CSMD1: variants seen among roughly 807,000 people sequenced by gnomAD.
CSMD1 encodes the protein CUB and sushi domain-containing protein 1.
Under a neutral mutation model 417.5 loss-of-function variants are expected in CSMD1, and 213 were observed. The observed-to-expected ratio is 0.51, with a 90% CI of 0.46 to 0.57. The LOEUF is 0.57. Among genes scored for constraint, CSMD1 ranks in the 20% least tolerant of loss-of-function variants. The pLI is 0.00. For missense variants in CSMD1, 6,923 were observed against 4,529.7 expected, an observed-to-expected ratio of 1.53 and a Z score of -15.17; for synonymous variants, 2,862 against 1,736.8, an observed-to-expected ratio of 1.65 and a Z score of -16.11.
chr8:3,403,920 A>C lies in CSMD1; in HGVS notation c.2266+2107T>G, dbSNP rs751162152. On this transcript the variant is annotated intron_variant, in intron 15 of 69. Transcript: ENST00000635120. The stretch of plus-strand genomic sequence containing the variant: ...CCATATGTGATGGAAATACATACAA[A>C]TGAAATTTCAGCTATTAAGAGGGTT... Among the ~76,000 whole-genome samples the C allele has an allele frequency of 7.7e-4, 117 of 152,188 alleles. 2 individuals carry two copies. Among genetic ancestry groups the C allele is most frequent in the Non-Finnish European group, 2.6e-4 (18 of 68,038 alleles).
At chr8:3,156,695 A>T (rs1263831232) in intron 39 of CSMD1, among the ~76,000 whole-genome samples, 1 of 152,202 alleles carries the variant, frequency 6.6e-6, no homozygotes, top group Non-Finnish European at 1.5e-5. Flanking sequence ...AAAATCTATG[A>T]TGAACAAAAT....
At chr8:3,295,041 CTG>C (rs1370774274) in intron 25 of CSMD1, among the ~76,000 whole-genome samples, 1 of 152,112 alleles carries the variant, frequency 6.6e-6, no homozygotes, top group Non-Finnish European at 1.5e-5. Flanking sequence ...TTGTACTACT[CTG>C]TGTGTTTAAG....
chr8:4,291,905 G>A (rs886669522), intron 3 of CSMD1, among the ~76,000 whole-genome samples: 1 of 152,166 alleles, frequency 6.6e-6, no homozygotes, highest in Non-Finnish European at 1.5e-5. Context: ...TTCACATCAA[G>A]CAGGAACAGA....
intron 3 of CSMD1, among the ~76,000 whole-genome samples, chr8:4,034,705 A>C (rs765442773): frequency 1.9e-4 from 29 of 152,312 alleles, no homozygotes; most frequent in South Asian, 6.2e-4. Flanking sequence ...ATGTGGACAA[A>C]AGCTTTTTGA....
chr8:4,172,935 C>T (rs1394470), intron 3 of CSMD1, among the ~76,000 whole-genome samples: 84,750 of 152,022 alleles, frequency 0.56, 24,457 homozygotes, highest in East Asian at 0.76. Context: ...CAGCAACTTA[C>T]AGAAAAACCT....
intron 3 of CSMD1, among the ~76,000 whole-genome samples, chr8:4,340,264 G>C (rs944112591): frequency 2.0e-5 from 3 of 151,748 alleles, no homozygotes; most frequent in African/African-American, 7.3e-5. Context: ...TGGAAGATTT[G>C]TCCTTTTTCC....
intron 6 of CSMD1, among the ~76,000 whole-genome samples, chr8:3,725,490 G>C (rs902870596): frequency 3.0e-4 from 45 of 152,272 alleles, no homozygotes; most frequent in African/African-American, 1.1e-3. Flanking sequence ...TGATTTTGTG[G>C]GTGATATGAA....
chr8:4,737,930 G>C (rs962128020), intron 1 of CSMD1, among the ~76,000 whole-genome samples: 2 of 152,200 alleles, frequency 1.3e-5, no homozygotes, highest in Non-Finnish European at 1.5e-5. Context: ...GGAAAGGCGA[G>C]AAAGTAAATT....
chr8:3,598,776 A>G (rs1801214691), intron 8 of CSMD1, among the ~76,000 whole-genome samples: 1 of 152,150 alleles, frequency 6.6e-6, no homozygotes, highest in Non-Finnish European at 1.5e-5. Context: ...AACAGCAGAT[A>G]CAAAGCACAG....
chr8:3,083,648 A>ATTTTTTTTTTT (rs34049524), intron 49 of CSMD1, among the ~76,000 whole-genome samples: 1 of 13,578 alleles, frequency 7.4e-5, no homozygotes, highest in Admixed American at 1.6e-3. Context: ...ATATATATAT[A>ATTTTTTTTTTT]TTTTTTTTTT....
rs557211058 is a variant in CSMD1, at chr8:3,188,056, G to GTGTATATGTATATATATATACATA, written c.5524-115_5524-92dup. The GTGTATATGTATATATATATACATA allele has an allele frequency of 7.3e-4, 477 of 651,526 alleles. 5 individuals are homozygous for GTGTATATGTATATATATATACATA. The highest frequency in any genetic ancestry group is 6.7e-4 in the Non-Finnish European group (259 of 386,692). The allele number at this position is 651,526 out of a possible 1,614,324, so 40.4% of individuals were successfully genotyped here. A position where few individuals can be genotyped will look rare whatever the true frequency, so the allele number is the denominator to read the frequency against. ...GGTTTTGGGGTTTTTCATGATTAAG[G>GTGTATATGTATATATATATACATA]TGTATATGTATATATATATACATAT... On this transcript the variant is annotated intron_variant, in intron 35 of 69. Transcript: ENST00000635120.
chr8:3,204,035 AGTTT>A (rs896368175), intron 31 of CSMD1, among the ~76,000 whole-genome samples: 7 of 152,206 alleles, frequency 4.6e-5, no homozygotes, highest in African/African-American at 1.7e-4. Context: ...TTAGTTAATT[AGTTT>A]ATTTATCAGG....
intron 23 of CSMD1, among the ~76,000 whole-genome samples, chr8:3,326,676 A>G (rs555544987): frequency 6.6e-6 from 1 of 152,330 alleles, no homozygotes; most frequent in Admixed American, 6.5e-5. Flanking sequence ...ACCTTGTTTC[A>G]TAATAAATTT....
At chr8:4,264,771 A>AT (rs917496373) in intron 3 of CSMD1, among the ~76,000 whole-genome samples, 1 of 152,008 alleles carries the variant, frequency 6.6e-6, no homozygotes, top group Non-Finnish European at 1.5e-5. Context: ...TTCTTTGGCC[A>AT]TTTTTGCGCC....
At chr8:4,116,717 G>C (rs939694074) in intron 3 of CSMD1, among the ~76,000 whole-genome samples, 1 of 151,978 alleles carries the variant, frequency 6.6e-6, no homozygotes. Flanking sequence ...ATGCAGCAGG[G>C]CAGGTGTTGC....
At chr8:3,317,254 T>G (rs981249659) in intron 23 of CSMD1, among the ~76,000 whole-genome samples, 2 of 152,210 alleles carry the variant, frequency 1.3e-5, no homozygotes, top group African/African-American at 4.8e-5. Context: ...ACACCTGTTA[T>G]GAAATAATTA....
chr8:3,953,075 AT>A (rs1563248144), intron 5 of CSMD1, among the ~76,000 whole-genome samples: 1 of 152,130 alleles, frequency 6.6e-6, no homozygotes, highest in African/African-American at 2.4e-5. Flanking sequence ...AAGAAACAGT[AT>A]TTGTAAAGGA....
At chr8:3,869,757 C>A (rs1325774938) in intron 5 of CSMD1, among the ~76,000 whole-genome samples, 1 of 152,096 alleles carries the variant, frequency 6.6e-6, no homozygotes, top group Non-Finnish European at 1.5e-5. Flanking sequence ...TAGCAGGCAA[C>A]ACGGGGCCAG....
chr8:3,912,019 A>G (rs1222953248), intron 5 of CSMD1, among the ~76,000 whole-genome samples: 1 of 152,192 alleles, frequency 6.6e-6, no homozygotes, highest in Non-Finnish European at 1.5e-5. Context: ...CAATTGTCAT[A>G]TAGACACATA....
Sources: gnomAD v4.1 joint callset for allele counts (sites outside exome capture counted in the v4.1 genomes callset) on GRCh38, gnomAD v4.1.1 for gene constraint, MANE v1.5 for transcripts, NCBI Gene and HGNC (gene_info 2026-07-23, HGNC 2026-07-21) for gene names.